The following ATCAY variants were observed in gnomAD, a reference collection of about 807,000 sequenced individuals.
The protein encoded by ATCAY is caytaxin.
Under a neutral mutation model 47.7 loss-of-function variants are expected in ATCAY, and 22 were observed. The observed-to-expected ratio is 0.46, with a 90% CI of 0.33 to 0.66. ATCAY has a LOEUF of 0.66. Among genes scored for constraint, ATCAY ranks in the 30% least tolerant of loss-of-function variants. The probability of loss-of-function intolerance (pLI) is 0.02; values close to 1 mark genes in which losing one functional copy is unlikely to be tolerated. For missense variants in ATCAY, 452 were observed against 515.0 expected (o/e 0.88, Z 1.18); for synonymous variants, 216 against 207.6 (o/e 1.04, Z -0.35).
intron 2 of ATCAY, 91 bp downstream of exon 2, chr19:3,885,935 G>C: frequency 7.5e-7 from 1 of 1,329,584 alleles, no homozygotes; most frequent in Non-Finnish European, 1.1e-6. Flanking sequence ...CTCTCTAAGT[G>C]GGAACCGCCC....
Position 3,918,833 on chromosome 19 carries a change from G to A in ATCAY, c.1029G>A (p.Leu343=). 6.2e-7 allele frequency: 1 copy of A among 1,613,998 alleles called. No homozygotes were observed. Among genetic ancestry groups the A allele is most frequent in the South Asian group, 1.1e-5 (1 of 91,090 alleles). Residue 343 remains leucine (L), a synonymous_variant, in exon 11 of 13, where the codon CTG becomes CTA. Coordinates refer to ENST00000450849, the MANE Select transcript of ATCAY (RefSeq NM_033064.5). ...CGAGGCCCCAGCCGGAGTTTGTGCT[G>A]CCCAGGTCTGAAGAGAAGCCAGAGG... ...ESARPQPEFV[L]PRSEEKPEVA...
intron 2 of ATCAY, among the ~76,000 whole-genome samples, chr19:3,888,816 C>T (rs1207522520): frequency 1.3e-5 from 2 of 152,094 alleles, no homozygotes; most frequent in Admixed American, 6.6e-5. Context: ...GCTTCCTTCC[C>T]ATTCATGTCC....
At chr19:3,898,341 C>T (rs2038787002) in intron 2 of ATCAY, among the ~76,000 whole-genome samples, 1 of 152,122 alleles carries the variant, frequency 6.6e-6, no homozygotes. Context: ...TACCACCACA[C>T]CCAGCTAATT....
chr19:3,905,024 A>T (rs1450556538), intron 3 of ATCAY, among the ~76,000 whole-genome samples: 1 of 151,920 alleles, frequency 6.6e-6, no homozygotes, highest in African/African-American at 2.4e-5. Context: ...GTGCCCGGCT[A>T]ATTTTTATAT....
At chr19:3,894,622 C>G (rs1051829500) in intron 2 of ATCAY, among the ~76,000 whole-genome samples, 2 of 108,158 alleles carry the variant, frequency 1.8e-5, no homozygotes, top group African/African-American at 7.2e-5. Flanking sequence ...GACCCTGTGT[C>G]TGCAAAAAAA....
intron 8 of ATCAY, among the ~76,000 whole-genome samples, chr19:3,913,368 C>T (rs985801331): frequency 5.3e-5 from 8 of 152,188 alleles, no homozygotes; most frequent in African/African-American, 1.4e-4. Flanking sequence ...CTGTGCCGTC[C>T]TGTGCGGTGA....
chr19:3,909,978 A>G (rs1239758961), intron 7 of ATCAY, among the ~76,000 whole-genome samples: 2 of 152,156 alleles, frequency 1.3e-5, no homozygotes, highest in African/African-American at 4.8e-5. Flanking sequence ...AGTCCCAGCT[A>G]CTTGGGAAGC....
intron 11 of ATCAY, 113 bp downstream of exon 11, chr19:3,918,990 C>T (rs2038992700): frequency 7.5e-7 from 1 of 1,329,006 alleles, no homozygotes; most frequent in African/African-American, 1.4e-5. Flanking sequence ...GAAAATGGAA[C>T]TAAGTGGCCG....
rs139307304 is a variant in ATCAY at position 3,910,999 on chromosome 19, CTGTG to C, written c.866+119_866+122del. 5,771 of 1,205,764 alleles carry C rather than the reference CTGTG, an allele frequency of 4.8e-3. 175 individuals carry two copies. In the African/African-American group the frequency reaches 0.071, roughly 15 times the overall value. 74.7% of individuals were successfully genotyped at this position (1,205,764 alleles called of 1,614,324 possible). On this transcript the variant is annotated intron_variant, in intron 8 of 12. Transcript: ENST00000450849. The stretch of plus-strand genomic sequence containing the variant: ...TGTGCACGTGTGTGCGTGTGTGCAT[CTGTG>C]TGTGTGTGCATCCATGTGTGTGTTT...
At chr19:3,897,457 G>C (rs1164278685) in intron 2 of ATCAY, among the ~76,000 whole-genome samples, 1 of 151,494 alleles carries the variant, frequency 6.6e-6, no homozygotes, top group East Asian at 2.0e-4. Context: ...ACGCCACCAT[G>C]CCTGGCTTTT....
chr19:3,908,579 G>A lies in ATCAY; in HGVS notation c.647+209G>A, dbSNP rs905612844. Among the ~76,000 whole-genome samples the A allele has an allele frequency of 1.9e-4, 28 of 147,152 alleles. No individual in the cohort carries two copies. In the East Asian group the frequency reaches 2.6e-3, roughly 14 times the overall value. Reference sequence around the variant, plus strand: ...TCTGGGCCACCCTGTTCTCCTCCCCGTCCTCCTCCTCCTCCTCTTCCTCCT... The same window carrying A: ...TCTGGGCCACCCTGTTCTCCTCCCCATCCTCCTCCTCCTCCTCTTCCTCCT... On this transcript the variant is annotated intron_variant, in intron 6 of 12. Transcript: ENST00000450849.
intron 12 of ATCAY, among the ~76,000 whole-genome samples, chr19:3,921,107 G>A (rs1275586473): frequency 6.6e-6 from 1 of 152,094 alleles, no homozygotes; most frequent in Non-Finnish European, 1.5e-5. Flanking sequence ...GGCCCTCAGG[G>A]AAAAACCCAC....
At chr19:3,883,801 A>G (rs935295945) in intron 1 of ATCAY, among the ~76,000 whole-genome samples, 1 of 152,172 alleles carries the variant, frequency 6.6e-6, no homozygotes, top group Non-Finnish European at 1.5e-5. Flanking sequence ...GGTATCTTAG[A>G]GGTCATCTCT....
chr19:3,912,322 T>C (rs1004780711), intron 8 of ATCAY, among the ~76,000 whole-genome samples: 78 of 151,874 alleles, frequency 5.1e-4, no homozygotes, highest in African/African-American at 1.8e-3. Flanking sequence ...AAAAAAATTT[T>C]TTTTTTTTTC....
chr19:3,910,002 T>C (rs1221635983), intron 7 of ATCAY, among the ~76,000 whole-genome samples: 1 of 152,014 alleles, frequency 6.6e-6, no homozygotes, highest in Non-Finnish European at 1.5e-5. Context: ...GGCAGGAGAA[T>C]CACTTGAACC....
chr19:3,892,262 G>A (rs547686824), intron 2 of ATCAY, among the ~76,000 whole-genome samples: 16 of 151,510 alleles, frequency 1.1e-4, no homozygotes, highest in Non-Finnish European at 2.2e-4. Flanking sequence ...GAGTGCAGTG[G>A]TGCGATCATA....
intron 9 of ATCAY, among the ~76,000 whole-genome samples, chr19:3,916,000 C>A (rs948937482): frequency 2.0e-5 from 3 of 151,972 alleles, no homozygotes; most frequent in Non-Finnish European, 4.4e-5. Flanking sequence ...CTCTCCAGAA[C>A]GTTCTCATCT....
chr19:3,909,489 C>T lies in ATCAY; in HGVS notation c.651C>T (p.Tyr217=), dbSNP rs1337379909. 7 of 1,613,226 alleles carry T rather than the reference C, an allele frequency of 4.3e-6. No individual in the cohort carries two copies. Among genetic ancestry groups the T allele is most frequent in the Middle Eastern group, 1.7e-4 (1 of 6,060 alleles). Residue 217 remains tyrosine, a synonymous_variant, in exon 7 of 13, where the codon TAC becomes TAT. Coordinates refer to ENST00000450849, the MANE Select transcript of ATCAY (RefSeq NM_033064.5). ...GCCTTCTGTGCCCCGTGAGCAGGTA[C>T]GTCATCAGCAGCTTAGAGCTCCTGG... is the stretch of plus-strand genomic sequence containing the variant. The part of the protein sequence containing the change: ...YHYIMENLFL[Y]VISSLELLVA...
chr19:3,900,147 T>G (rs781185060), intron 2 of ATCAY, among the ~76,000 whole-genome samples: 2 of 152,042 alleles, frequency 1.3e-5, no homozygotes, highest in Non-Finnish European at 2.9e-5. Context: ...CCATGCTTTT[T>G]TAGATTTTCA....
Sources: gnomAD v4.1 joint callset for allele counts (sites outside exome capture counted in the v4.1 genomes callset) on GRCh38, gnomAD v4.1.1 for gene constraint, MANE v1.5 for transcripts, NCBI Gene and HGNC (gene_info 2026-07-23, HGNC 2026-07-21) for gene names.